Variants in SNTG2 observed in about 807,000 individuals in gnomAD.
SNTG2 encodes gamma-2-syntrophin.
In SNTG2, 74 loss-of-function variants were observed where a neutral mutation model predicts 70.9. That is an observed-to-expected ratio of 1.04 (90% confidence interval 0.86 to 1.27). SNTG2 has a LOEUF of 1.27. Ranked by LOEUF, SNTG2 falls within the 50% of genes most tolerant of loss-of-function variation. The pLI, the probability that SNTG2 is intolerant of heterozygous loss-of-function variation, is 0.00. For missense variants in SNTG2, 717 were observed against 690.7 expected (o/e 1.04, Z -0.43); for synonymous variants, 278 against 273.8 (o/e 1.02, Z -0.15).
At chr2:1,105,711 CT>C (rs1666074827) in intron 4 of SNTG2, among the ~76,000 whole-genome samples, 2 of 152,200 alleles carry the variant, frequency 1.3e-5, no homozygotes, top group Admixed American at 6.5e-5. Context: ...CCTGCTGCCC[CT>C]GGCCCAGAAA....
At chr2:1,086,395 C>T (rs1316017549) in intron 2 of SNTG2, among the ~76,000 whole-genome samples, 1 of 152,188 alleles carries the variant, frequency 6.6e-6, no homozygotes, top group Admixed American at 6.5e-5. Flanking sequence ...GAAAAACAAT[C>T]TGTCCCTTAG....
intron 1 of SNTG2, among the ~76,000 whole-genome samples, chr2:986,228 T>C (rs1661318146): frequency 2.0e-5 from 3 of 152,180 alleles, no homozygotes; most frequent in Admixed American, 2.0e-4. Context: ...ATGGCCCCTG[T>C]ACTCTCATGG....
At position 1,168,024 on chromosome 2, in the gene SNTG2, C is replaced by T. The variant is rs1249813815; in HGVS notation, c.499+2389C>T. ...GACGGCAGAACTGAAGCCTAGAAGC[C>T]GCCCACAGACGGCAGAACTGAAACC... On this transcript the variant is annotated intron_variant, in intron 7 of 16. Transcript: ENST00000308624. Among the ~76,000 whole-genome samples the T allele has an allele frequency of 6.2e-5, 8 of 128,852 alleles. No individual in the cohort carries two copies. In the South Asian group the frequency reaches 1.9e-3, roughly 30 times the overall value. 84.5% of individuals were successfully genotyped at this position (128,852 alleles called of 152,430 possible). A position where few individuals can be genotyped will look rare whatever the true frequency, so the allele number is the denominator to read the frequency against.
At chr2:1,083,359 A>G (rs1460092962) in intron 1 of SNTG2, among the ~76,000 whole-genome samples, 159 bp from the exon 2 acceptor site, 1 of 152,100 alleles carries the variant, frequency 6.6e-6, no homozygotes, top group African/African-American at 2.4e-5. Context: ...TTTTTGCATA[A>G]ATGAATCAAA....
At chr2:1,138,128 T>C (rs954848305) in intron 6 of SNTG2, among the ~76,000 whole-genome samples, 82 of 152,326 alleles carry the variant, frequency 5.4e-4, no homozygotes, top group African/African-American at 1.7e-3. Flanking sequence ...TGAAGTGTTA[T>C]CATCGTGCTG....
intron 2 of SNTG2, among the ~76,000 whole-genome samples, chr2:1,087,314 G>C (rs61469034): frequency 6.6e-6 from 1 of 152,102 alleles, no homozygotes; most frequent in African/African-American, 2.4e-5. Context: ...AGAAGAGTTC[G>C]TGTAGCATGG....
intron 2 of SNTG2, among the ~76,000 whole-genome samples, chr2:1,084,411 T>A (rs1305255457): frequency 6.6e-6 from 1 of 152,180 alleles, no homozygotes; most frequent in Admixed American, 6.5e-5. Flanking sequence ...CCTGTGAACA[T>A]CCTGGCTCAC....
intron 9 of SNTG2, among the ~76,000 whole-genome samples, chr2:1,222,495 AGTGATGGAGG>A (rs2148045906): frequency 7.1e-6 from 1 of 140,794 alleles, no homozygotes; most frequent in African/African-American, 2.8e-5. Flanking sequence ...AAAGTGGTGC[AGTGATGGAGG>A]GCGTCTCCCT....
intron 4 of SNTG2, among the ~76,000 whole-genome samples, chr2:1,112,937 G>T (rs1381871730): frequency 6.6e-6 from 1 of 150,980 alleles, no homozygotes; most frequent in Non-Finnish European, 1.5e-5. Flanking sequence ...ACTAAGTGAG[G>T]TTTAATACTT....
intron 1 of SNTG2, among the ~76,000 whole-genome samples, chr2:1,005,863 ATATATATATAT>A (rs1659555120): frequency 7.4e-5 from 2 of 26,972 alleles, no homozygotes; most frequent in Non-Finnish European, 1.5e-4. Context: ...ATATATATAT[ATATATATATAT>A]AAACGTTGAC....
At chr2:1,224,868 C>A (rs1675664706) in intron 9 of SNTG2, among the ~76,000 whole-genome samples, 1 of 152,208 alleles carries the variant, frequency 6.6e-6, no homozygotes, top group East Asian at 1.9e-4. Flanking sequence ...ACTCAGGTCA[C>A]AAGAGTGGTT....
intron 6 of SNTG2, among the ~76,000 whole-genome samples, chr2:1,155,175 C>CA (rs535477953): frequency 5.8e-4 from 82 of 142,320 alleles, no homozygotes; most frequent in East Asian, 2.4e-3. Context: ...GTAGACCCCC[C>CA]CCCCACACAC....
intron 1 of SNTG2, among the ~76,000 whole-genome samples, chr2:996,255 AAG>A (rs1661678022): frequency 6.6e-6 from 1 of 152,210 alleles, no homozygotes; most frequent in Non-Finnish European, 1.5e-5. Context: ...CTTAAAAACT[AAG>A]AGAACTTTTC....
At chr2:1,081,997 C>G (rs1458436367) in intron 1 of SNTG2, among the ~76,000 whole-genome samples, 2 of 152,138 alleles carry the variant, frequency 1.3e-5, no homozygotes, top group Non-Finnish European at 2.9e-5. Flanking sequence ...CTTTTTTGTG[C>G]TGTGTTGAGT....
intron 1 of SNTG2, among the ~76,000 whole-genome samples, chr2:988,584 G>A (rs1227003216): frequency 1.3e-5 from 2 of 152,172 alleles, no homozygotes; most frequent in Admixed American, 1.3e-4. Flanking sequence ...TGTTTTGATT[G>A]CTTCCAGGCT....
Position 1,056,288 on chromosome 2 carries a change from TGCTGTGGGGAGGGAGGGAGGGAGAGGCC to T in SNTG2, c.73-27227_73-27200del, listed in dbSNP as rs1558348134. ...AGGGAGGGAGGGAGAGGCCGCGCCG[TGCTGTGGGGAGGGAGGGAGGGAGAGGCC>T]GCGCCGTGCTGTGGGGAGGGAGGGA... On this transcript the variant is annotated intron_variant, in intron 1 of 16. Transcript: ENST00000308624. 1.0e-3 allele frequency among the ~76,000 whole-genome samples: 16 copies of T among 15,298 alleles called. 3 individuals carry two copies. The highest frequency in any genetic ancestry group is 4.4e-3 in the African/African-American group (13 of 2,970). The allele number at this position is 15,298 out of a possible 152,430, so 10.0% of individuals were successfully genotyped here. A position where few individuals can be genotyped will look rare whatever the true frequency, so the allele number is the denominator to read the frequency against.
chr2:1,184,591 G>T (rs1030389259), intron 8 of SNTG2, among the ~76,000 whole-genome samples: 2 of 152,154 alleles, frequency 1.3e-5, no homozygotes, highest in African/African-American at 2.4e-5. Flanking sequence ...AGAGGAAGCA[G>T]GTGTGCCTTC....
chr2:1,091,836 G>A (rs937198924), intron 2 of SNTG2, among the ~76,000 whole-genome samples: 1 of 152,202 alleles, frequency 6.6e-6, no homozygotes, highest in African/African-American at 2.4e-5. Flanking sequence ...ATGCACAAGA[G>A]TTTTCAAGTA....
intron 6 of SNTG2, among the ~76,000 whole-genome samples, chr2:1,145,800 C>G (rs188461140): frequency 1.9e-4 from 29 of 152,186 alleles, no homozygotes; most frequent in African/African-American, 6.5e-4. Flanking sequence ...TGCAAAAAAT[C>G]CTCAACAAAA....
Sources: allele counts gnomAD v4.1 joint callset (sites outside exome capture counted in the v4.1 genomes callset), GRCh38; gene constraint gnomAD v4.1.1; transcripts MANE v1.5; gene names NCBI Gene and HGNC (gene_info 2026-07-23, HGNC 2026-07-21).